NEK1: variants seen among roughly 807,000 people sequenced by gnomAD.
The protein encoded by NEK1 is serine/threonine-protein kinase Nek1.
Under a neutral mutation model 182.1 loss-of-function variants are expected in NEK1, and 137 were observed. The observed-to-expected ratio is 0.75, with a 90% CI of 0.65 to 0.87. NEK1 has a LOEUF of 0.87. Among genes scored for constraint, NEK1 ranks in the 40% least tolerant of loss-of-function variants. NEK1 has a pLI of 0.00. For synonymous variants in NEK1, 513 were observed against 492.2 expected (o/e 1.04, Z -0.56); for missense variants, 1,391 against 1,494.4 (o/e 0.93, Z 1.14).
At chr4:169,448,833 G>T (rs1294717812) in intron 27 of NEK1, among the ~76,000 whole-genome samples, 1 of 152,196 alleles carries the variant, frequency 6.6e-6, no homozygotes, top group South Asian at 2.1e-4. Context: ...CACGGAGGGT[G>T]AGCCGAAGCA....
chr4:169,442,814 G>A (rs946748473), intron 27 of NEK1, among the ~76,000 whole-genome samples: 4 of 152,150 alleles, frequency 2.6e-5, no homozygotes, highest in South Asian at 2.1e-4. Context: ...CAGAAGGACC[G>A]CTTGCAGCCA....
chr4:169,479,115 A>G (rs1310083711), intron 24 of NEK1, among the ~76,000 whole-genome samples: 1 of 152,108 alleles, frequency 6.6e-6, no homozygotes. Context: ...AAAAATGTTT[A>G]TAGTATTATT....
intron 6 of NEK1, among the ~76,000 whole-genome samples, chr4:169,590,308 C>T (rs1431666338): frequency 7.0e-6 from 1 of 142,906 alleles, no homozygotes; most frequent in Non-Finnish European, 1.5e-5. Context: ...GACTCCGTCT[C>T]AAAAACAATA....
intron 19 of NEK1, among the ~76,000 whole-genome samples, chr4:169,525,030 CT>C (rs557984139): frequency 1.4e-3 from 210 of 152,274 alleles, no homozygotes; most frequent in African/African-American, 4.1e-3. Context: ...ACAGAGGCTA[CT>C]TATTAGTGTT....
At chr4:169,464,814 T>G (rs1007136628) in intron 26 of NEK1, among the ~76,000 whole-genome samples, 1 of 152,004 alleles carries the variant, frequency 6.6e-6, no homozygotes, top group Non-Finnish European at 1.5e-5. Flanking sequence ...TCTAAGAAAA[T>G]TTGTCCTGCT....
chr4:169,421,141 G>A (rs1371361589), intron 31 of NEK1, among the ~76,000 whole-genome samples: 1 of 152,142 alleles, frequency 6.6e-6, no homozygotes, highest in Non-Finnish European at 1.5e-5. Flanking sequence ...CAAAGGGGTT[G>A]ATTCATTAAG....
rs1435441497 is a variant in NEK1 at position 169,438,127 on chromosome 4, T to C, written c.2720A>G (p.Glu907Gly). Residue 907 changes from glutamate to glycine, a missense_variant, in exon 28 of 36, where the codon GAG (glutamate) becomes GGG (glycine). Transcript: ENST00000507142. Reference protein sequence around the residue: ...PVETKSPEFSEASPQMSLKLE... With the variant: ...PVETKSPEFSGASPQMSLKLE... ...TTTCAATGACATCTGTGGAGATGCC[T>C]CACTGAACTCGGGACTTTTTGTCTC... The C allele has an allele frequency of 6.2e-7, 1 of 1,612,164 alleles. No individual in the cohort carries two copies. Among genetic ancestry groups the C allele is most frequent in the Non-Finnish European group, 8.5e-7 (1 of 1,179,192 alleles).
intron 27 of NEK1, among the ~76,000 whole-genome samples, chr4:169,447,795 G>A (rs551399887): frequency 1.3e-5 from 2 of 152,162 alleles, no homozygotes; most frequent in Non-Finnish European, 2.9e-5. Context: ...CTTGAACCCG[G>A]GAGGTGGAGG....
intron 23 of NEK1, among the ~76,000 whole-genome samples, chr4:169,480,476 A>G (rs2149562246): frequency 6.6e-6 from 1 of 151,576 alleles, no homozygotes; most frequent in South Asian, 2.1e-4. Context: ...ATGTCTAAAA[A>G]ACAATGTACA....
intron 27 of NEK1, among the ~76,000 whole-genome samples, chr4:169,455,555 G>T (rs1302267971): frequency 6.6e-6 from 1 of 152,108 alleles, no homozygotes; most frequent in Non-Finnish European, 1.5e-5. Flanking sequence ...GGTCAATTCA[G>T]CAAGAGGATA....
chr4:169,494,817 GT>G (rs1305322167), intron 23 of NEK1, among the ~76,000 whole-genome samples: 1 of 152,156 alleles, frequency 6.6e-6, no homozygotes, highest in African/African-American at 2.4e-5. Context: ...GTATCTCATT[GT>G]GGTTTTGATT....
At chr4:169,532,628 C>A (rs1757848837) in intron 19 of NEK1, among the ~76,000 whole-genome samples, 1 of 151,978 alleles carries the variant, frequency 6.6e-6, no homozygotes, top group Non-Finnish European at 1.5e-5. Flanking sequence ...AAACCTAAAA[C>A]TGCTATAAAA....
intron 23 of NEK1, among the ~76,000 whole-genome samples, chr4:169,506,153 A>G (rs1035146566): frequency 1.3e-5 from 2 of 152,048 alleles, no homozygotes; most frequent in Admixed American, 1.3e-4. Context: ...ATAACTAAGA[A>G]CAATAAGTGT....
intron 31 of NEK1, among the ~76,000 whole-genome samples, chr4:169,415,859 A>G (rs1286686689): frequency 6.6e-6 from 1 of 152,176 alleles, no homozygotes; most frequent in Non-Finnish European, 1.5e-5. Flanking sequence ...CATTAAAGGA[A>G]TGCCTTAGTA....
intron 18 of NEK1, among the ~76,000 whole-genome samples, chr4:169,544,068 C>G (rs181559945): frequency 6.6e-6 from 1 of 152,232 alleles, no homozygotes; most frequent in East Asian, 1.9e-4. Context: ...TGCTGGTTTT[C>G]AAAGGGAATG....
At chr4:169,601,785 G>A (rs1031797756) in intron 4 of NEK1, among the ~76,000 whole-genome samples, 36 of 151,140 alleles carry the variant, frequency 2.4e-4, no homozygotes, top group African/African-American at 7.8e-4. Flanking sequence ...GGAGTAAGCC[G>A]AGATCATGCC....
chr4:169,585,592 A>G, intron 9 of NEK1, 43 bp from the exon 10 acceptor site: 1 of 1,278,604 alleles, frequency 7.8e-7, no homozygotes, highest in Non-Finnish European at 1.1e-6. Context: ...ACATATATAA[A>G]TTGAAACTGA....
chr4:169,526,208 G>C, intron 19 of NEK1, among the ~76,000 whole-genome samples: 1 of 152,120 alleles, frequency 6.6e-6, no homozygotes, highest in Non-Finnish European at 1.5e-5. Context: ...AAAAGCATGA[G>C]ACCAGTCACA....
At chr4:169,443,349 C>G (rs764632688) in intron 27 of NEK1, among the ~76,000 whole-genome samples, 1 of 131,336 alleles carries the variant, frequency 7.6e-6, no homozygotes, top group Non-Finnish European at 1.6e-5. Context: ...AAATAAAACC[C>G]CAAACCCCCC....
Sources: gnomAD v4.1 joint callset for allele counts (sites outside exome capture counted in the v4.1 genomes callset) on GRCh38, gnomAD v4.1.1 for gene constraint, MANE v1.5 for transcripts, NCBI Gene and HGNC (gene_info 2026-07-23, HGNC 2026-07-21) for gene names.